The following CA2 variants were observed in gnomAD, a reference collection of about 807,000 sequenced individuals.
CA2 encodes the protein carbonate dehydratase II.
A neutral mutation model predicts 27.8 loss-of-function variants in CA2; 23 were observed. That is an observed-to-expected ratio of 0.83 (90% confidence interval 0.59 to 1.17). The LOEUF is 1.17. Among genes scored for constraint, CA2 ranks in the 50% most tolerant of loss-of-function variants. The pLI is 0.00. For missense variants in CA2, 300 were observed against 314.7 expected (o/e 0.95, Z 0.35); for synonymous variants, 99 against 114.9 (o/e 0.86, Z 0.88).
rs1419323453 is a variant in CA2, at chr8:85,477,186, A to T, written c.574A>T (p.Thr192Ser). The stretch of plus-strand genomic sequence containing the variant: ...CCTTCCTGAATCCTTGGATTACTGG[A>T]CCTACCCAGGCTCACTGACCACCCC... ...GLLPESLDYW[T>S]YPGSLTTPPL... The change falls in exon 6 of 7, where the codon ACC becomes TCC. Residue 192 changes from threonine to serine, a missense_variant. Thr to Ser is a moderately conservative substitution (Grantham distance 58). Transcript: ENST00000285379. The T allele has an allele frequency of 6.2e-7, 1 of 1,614,006 alleles. No individual in the cohort carries two copies. The highest frequency in any genetic ancestry group is 8.5e-7 in the Non-Finnish European group (1 of 1,179,960).
intron 4 of CA2, among the ~76,000 whole-genome samples, chr8:85,475,198 AC>A (rs1357916592): frequency 1.3e-5 from 2 of 151,790 alleles, no homozygotes; most frequent in East Asian, 1.9e-4. Context: ...AAACAAAAAA[AC>A]AAAACAAAAA....
At chr8:85,472,970 G>C (rs1811731293) in intron 2 of CA2, among the ~76,000 whole-genome samples, 1 of 149,624 alleles carries the variant, frequency 6.7e-6, no homozygotes, top group Non-Finnish European at 1.5e-5. Context: ...CTCCAGCCTG[G>C]GCAACAGAGC....
intron 2 of CA2, 44 bp from the exon 3 acceptor site, chr8:85,473,649 A>T: frequency 1.1e-6 from 1 of 909,954 alleles, no homozygotes; most frequent in Non-Finnish European, 1.8e-6. Flanking sequence ...GTGTATGCAG[A>T]TACATACATA....
In CA2 at chr8:85,477,241, TG is replaced by T. The variant is rs761469721; in HGVS notation, c.630del (p.Leu211SerfsTer13). Reference protein sequence around the residue: ...PPLLECVTWIVLKEPISVSSE... With the variant: ...PPLLECVTWIXLKEPISVSSE... ...CTTCTGGAATGTGTGACCTGGATTG[TG>T]CTCAAGGAACCCATCAGCGTCAGCA... On this transcript the variant is annotated frameshift_variant, in exon 6 of 7. Coordinates refer to ENST00000285379, the MANE Select transcript of CA2 (RefSeq NM_000067.3). LOFTEE classifies it low-confidence loss of function (END_TRUNC). 1.4e-5 allele frequency: 22 copies of T among 1,614,154 alleles called. No individual in the cohort carries two copies. The highest frequency in any genetic ancestry group is 1.7e-5 in the Non-Finnish European group (20 of 1,179,998).
chr8:85,464,226 A>G (rs1811582502), intron 1 of CA2, 111 bp downstream of exon 1: 6 of 1,041,638 alleles, frequency 5.8e-6, no homozygotes, highest in Non-Finnish European at 6.8e-6. Flanking sequence ...CATGCTGTTT[A>G]CCGCGGCCGC....
At chr8:85,467,112 T>G (rs749662514) in intron 2 of CA2, among the ~76,000 whole-genome samples, 1 of 152,190 alleles carries the variant, frequency 6.6e-6, no homozygotes, top group Non-Finnish European at 1.5e-5. Context: ...AGTTTAAGTC[T>G]TTTTTGGAGC....
chr8:85,480,687 A>G lies in CA2; in HGVS notation c.681A>G (p.Lys227=), dbSNP rs191570649. Residue 227 remains lysine, a synonymous_variant, in exon 7 of 7, where the codon AAA becomes AAG. Transcript: ENST00000285379. ...TCTTTTAGGTGTTGAAATTCCGTAA[A>G]CTTAACTTCAATGGGGAGGGTGAAC... ...VSSEQVLKFR[K]LNFNGEGEPE... is the part of the protein sequence containing the mutation. The G allele has an allele frequency of 3.4e-4, 550 of 1,613,692 alleles. No individual in the cohort carries two copies. The highest frequency in any genetic ancestry group is 4.5e-4 in the Non-Finnish European group (536 of 1,179,656).
intron 2 of CA2, among the ~76,000 whole-genome samples, chr8:85,470,239 T>C (rs1380756541): frequency 3.3e-5 from 5 of 152,130 alleles, no homozygotes; most frequent in South Asian, 2.1e-4. Flanking sequence ...GTGTATTTTT[T>C]CCCCCCAGAT....
chr8:85,475,702 A>G, intron 4 of CA2, 96 bp from the exon 5 acceptor site: 1 of 1,107,058 alleles, frequency 9.0e-7, no homozygotes, highest in Non-Finnish European at 1.4e-6. Flanking sequence ...TGGGCTCACT[A>G]TTTGGATGTT....
intron 6 of CA2, among the ~76,000 whole-genome samples, chr8:85,479,557 G>A (rs1811856343): frequency 6.6e-6 from 1 of 152,082 alleles, no homozygotes; most frequent in South Asian, 2.1e-4. Flanking sequence ...TCACGTCTTG[G>A]TTAGAGGGGG....
At chr8:85,466,127 TAA>T (rs10573662) in intron 2 of CA2, among the ~76,000 whole-genome samples, 80,981 of 135,482 alleles carry the variant, frequency 0.6, 24,078 homozygotes, top group Middle Eastern at 0.65. Context: ...ATGCTCACTG[TAA>T]AAAAAAAAAA....
intron 2 of CA2, among the ~76,000 whole-genome samples, chr8:85,468,046 T>C (rs750793421): frequency 6.6e-6 from 1 of 152,152 alleles, no homozygotes; most frequent in Non-Finnish European, 1.5e-5. Flanking sequence ...TAGAAAGACA[T>C]AGAAATAGTA....
intron 3 of CA2, 173 bp downstream of exon 3, chr8:85,473,984 G>A (rs935741922): frequency 1.4e-5 from 9 of 627,162 alleles, no homozygotes; most frequent in African/African-American, 5.5e-5. Context: ...CATACTTAAC[G>A]CTGCAAAACT....
rs1192862419 is a variant in CA2 at position 85,464,109 on chromosome 8, C to T, written c.28C>T (p.His10Tyr). The change falls in exon 1 of 7, where the codon CAC (histidine) becomes TAC (tyrosine). Residue 10 changes from histidine to tyrosine, a missense_variant. Physicochemically the swap from His to Tyr is moderately conservative, Grantham distance 83. Transcript: ENST00000285379. MSHHWGYGKHNGPEHWHKDF... is the reference protein window; with the variant it reads MSHHWGYGKYNGPEHWHKDF... The stretch of plus-strand genomic sequence containing the variant: ...GTCCCATCACTGGGGGTACGGCAAA[C>T]ACAACGGTGAGTGCCGGCGACGGCC... 1 of 1,545,690 alleles carries T rather than the reference C, an allele frequency of 6.5e-7. No homozygotes were observed. Among genetic ancestry groups the T allele is most frequent in the Non-Finnish European group, 8.7e-7 (1 of 1,147,970 alleles).
chr8:85,471,554 T>G (rs1811713092), intron 2 of CA2, among the ~76,000 whole-genome samples: 1 of 152,142 alleles, frequency 6.6e-6, no homozygotes, highest in Admixed American at 6.5e-5. Flanking sequence ...AAATGTAAGA[T>G]CCTGCTATGA....
chr8:85,480,445 G>GTGTTT (rs1554548325), intron 6 of CA2, among the ~76,000 whole-genome samples: 1 of 144,494 alleles, frequency 6.9e-6, no homozygotes, highest in African/African-American at 2.6e-5. Context: ...GTGTGTGTGT[G>GTGTTT]TTTTTTTTTT....
chr8:85,479,444 C>T (rs1563436309), intron 6 of CA2, among the ~76,000 whole-genome samples: 1 of 152,110 alleles, frequency 6.6e-6, no homozygotes, highest in South Asian at 2.1e-4. Flanking sequence ...GGTGGCTCTA[C>T]GGGGGTGATT....
intron 4 of CA2, 54 bp from the exon 5 acceptor site, chr8:85,475,744 A>C: frequency 6.6e-7 from 1 of 1,514,966 alleles, no homozygotes; most frequent in South Asian, 1.1e-5. Context: ...AAAAATAAAA[A>C]CTGGTACAGT....
rs1191194087 is a variant in CA2, at chr8:85,480,701, G to C, written c.695G>C (p.Gly232Ala). The part of the protein sequence containing the change: ...VLKFRKLNFN[G>A]EGEPEELMVD... Reference sequence around the variant, plus strand: ...AAATTCCGTAAACTTAACTTCAATGGGGAGGGTGAACCCGAAGAACTGATG... The same window carrying C: ...AAATTCCGTAAACTTAACTTCAATGCGGAGGGTGAACCCGAAGAACTGATG... The change falls in exon 7 of 7, where the codon GGG becomes GCG. Residue 232 changes from glycine (G) to alanine (A), a missense_variant. Transcript: ENST00000285379. The C allele has an allele frequency of 6.2e-7, 1 of 1,613,668 alleles. No homozygotes were observed. The highest frequency in any genetic ancestry group is 8.5e-7 in the Non-Finnish European group (1 of 1,179,642).
Sources: gnomAD v4.1 joint callset for allele counts (sites outside exome capture counted in the v4.1 genomes callset) on GRCh38, gnomAD v4.1.1 for gene constraint, MANE v1.5 for transcripts, NCBI Gene and HGNC (gene_info 2026-07-23, HGNC 2026-07-21) for gene names.